Variants in DUOXA1 observed in about 807,000 individuals in gnomAD.
DUOXA1 encodes dual oxidase maturation factor 1, also known as dual oxidase activator 1.
A neutral mutation model predicts 26.6 loss-of-function variants in DUOXA1; 19 were observed. The observed-to-expected ratio is 0.71, with a 90% CI of 0.50 to 1.05. The LOEUF is 1.05. DUOXA1 is among the 50% of genes least tolerant of loss of function. The pLI, the probability that DUOXA1 is intolerant of heterozygous loss-of-function variation, is 0.00. For missense variants in DUOXA1, 403 were observed against 427.5 expected (o/e 0.94, Z 0.51); for synonymous variants, 166 against 177.0 (o/e 0.94, Z 0.49).
At position 45,129,861 on chromosome 15, in the gene DUOXA1, T is replaced by A. The variant is rs1313378207; in HGVS notation, c.-312A>T. ...GCCCTCGCCGTCTCACCTCGCGCGC[T>A]GCCGTCCGCTGGAAGCACCTCCGCG... On this transcript the variant is annotated 5_prime_UTR_variant, in exon 1 of 9. Coordinates refer to ENST00000560572, the MANE Select transcript of DUOXA1 (RefSeq NM_001276266.2). This position sits in a 1 kb window ranked among gnomAD's most constrained non-coding sequence, Gnocchi z 4.1. 1.3e-5 allele frequency: 2 copies of A among 152,246 alleles called. No homozygotes were observed. Among genetic ancestry groups the A allele is most frequent in the Non-Finnish European group, 2.9e-5 (2 of 68,126 alleles). 9.4% of individuals were successfully genotyped at this position (152,246 alleles called of 1,614,324 possible).
intron 3 of DUOXA1, 24 bp from the exon 4 acceptor site, chr15:45,123,067 A>T: frequency 1.3e-6 from 2 of 1,544,932 alleles, no homozygotes; most frequent in South Asian, 2.5e-5. Flanking sequence ...ATAGACATTT[A>T]TTGCATGCCC....
chr15:45,128,275 C>A (rs982334823), intron 3 of DUOXA1, among the ~76,000 whole-genome samples: 2 of 152,222 alleles, frequency 1.3e-5, no homozygotes, highest in Non-Finnish European at 2.9e-5. Flanking sequence ...TATGTGCTAA[C>A]GTCTTGTGGC....
At position 45,122,905 on chromosome 15, in the gene DUOXA1, G is replaced by T; in HGVS notation, c.110C>A (p.Thr37Lys). 1 of 1,612,438 alleles carries T rather than the reference G, an allele frequency of 6.2e-7. No homozygotes were observed. Among genetic ancestry groups the T allele is most frequent in the Non-Finnish European group, 8.5e-7 (1 of 1,179,412 alleles). The change falls in exon 4 of 9, where the codon ACG becomes AAG. Residue 37 changes from threonine (T) to lysine (K), a missense_variant. Coordinates refer to ENST00000560572, the MANE Select transcript of DUOXA1 (RefSeq NM_001276266.2). Reference sequence around the variant, plus strand: ...AATGCCAGGCAGGATGACGATGAACGTGGCCAGTGCAGTCAGAAAGATCAT... The same window carrying T: ...AATGCCAGGCAGGATGACGATGAACTTGGCCAGTGCAGTCAGAAAGATCAT... ...IIMIFLTALA[T>K]FIVILPGIRG...
At position 45,123,055 on chromosome 15, in the gene DUOXA1, C is replaced by A. The variant is rs948888909; in HGVS notation, c.-29-12G>T. The A allele has an allele frequency of 1.3e-6, 2 of 1,565,852 alleles. No individual in the cohort carries two copies. Among genetic ancestry groups the A allele is most frequent in the Admixed American group, 3.6e-5 (2 of 55,196 alleles). On this transcript the variant is annotated splice_polypyrimidine_tract_variant and intron_variant, in intron 3 of 8. Coordinates refer to ENST00000560572, the MANE Select transcript of DUOXA1 (RefSeq NM_001276266.2). ...CAGGGGGGGCAATGCTGTACAACAA[C>A]AATAGACATTTATTGCATGCCCTCA... is the stretch of plus-strand genomic sequence containing the variant.
intron 3 of DUOXA1, among the ~76,000 whole-genome samples, chr15:45,127,348 C>T (rs1267996196): frequency 1.3e-5 from 2 of 152,120 alleles, no homozygotes; most frequent in Non-Finnish European, 2.9e-5. Flanking sequence ...AAGAATGTTT[C>T]ATTTCTATTA....
chr15:45,117,387 T>A lies in DUOXA1; in HGVS notation c.*1719A>T. 6.7e-7 allele frequency: 1 copy of A among 1,502,604 alleles called. No homozygotes were observed. Among genetic ancestry groups the A allele is most frequent in the South Asian group, 1.3e-5 (1 of 75,804 alleles). 93.1% of individuals were successfully genotyped at this position (1,502,604 alleles called of 1,614,324 possible). On this transcript the variant is annotated 3_prime_UTR_variant, in exon 9 of 9. Coordinates refer to ENST00000560572, the MANE Select transcript of DUOXA1 (RefSeq NM_001276266.2). Reference sequence around the variant, plus strand: ...GGTGTGCACTTTCCAGTTTACAGAATGAATTCACATCTATTACCCTATTTG... The same window carrying A: ...GGTGTGCACTTTCCAGTTTACAGAAAGAATTCACATCTATTACCCTATTTG...
In DUOXA1 at chr15:45,119,226, G is replaced by A; in HGVS notation, c.912C>T (p.Ser304=). 2 of 1,614,140 alleles carry A rather than the reference G, an allele frequency of 1.2e-6. No individual in the cohort carries two copies. Among genetic ancestry groups the A allele is most frequent in the Non-Finnish European group, 8.5e-7 (1 of 1,179,996 alleles). The change falls in exon 9 of 9, where the codon AGC becomes AGT. Residue 304 remains serine, a synonymous_variant. Coordinates refer to ENST00000560572, the MANE Select transcript of DUOXA1 (RefSeq NM_001276266.2). ...TGTCAGCCATGGACCGGTAGCGGGG[G>A]CTCAGGAGTCCACCTTCCTCAGGAC... ...EWSPEEGGLL[S]PRYRSMADSP...
In DUOXA1 at chr15:45,121,156, T is replaced by A; in HGVS notation, c.271A>T (p.Ser91Cys). 1 of 1,614,106 alleles carries A rather than the reference T, an allele frequency of 6.2e-7. No individual in the cohort carries two copies. The highest frequency in any genetic ancestry group is 8.5e-7 in the Non-Finnish European group (1 of 1,180,006). The change falls in exon 6 of 9, where the codon AGT becomes TGT. Residue 91 changes from serine to cysteine, a missense_variant. Transcript: ENST00000560572. ...ATATCAGCGCTGATCCACTCAGAAC[T>A]GAAGGCCTTGTATGATGTGTTGGTG... The part of the protein sequence containing the change: ...VSTNTSYKAF[S>C]SEWISADIGL...
In DUOXA1 at chr15:45,118,232, C is replaced by G. The variant is rs1057179294; in HGVS notation, c.*874G>C. On this transcript the variant is annotated 3_prime_UTR_variant, in exon 9 of 9. Coordinates refer to ENST00000560572, the MANE Select transcript of DUOXA1 (RefSeq NM_001276266.2). ...TGTGAAACCTGATTCTCTGCGTCGA[C>G]TCCAGAGTAATAGGGGCGCCCTCTA... 2.9e-5 allele frequency: 41 copies of G among 1,410,034 alleles called. No individual in the cohort carries two copies. Among genetic ancestry groups the G allele is most frequent in the Non-Finnish European group, 3.8e-5 (41 of 1,088,954 alleles). The allele number at this position is 1,410,034 out of a possible 1,614,324, so 87.3% of individuals were successfully genotyped here. A position where few individuals can be genotyped will look rare whatever the true frequency, so the allele number is the denominator to read the frequency against.
At chr15:45,119,953 G>C in intron 8 of DUOXA1, 150 bp downstream of exon 8, 1 of 804,802 alleles carries the variant, frequency 1.2e-6, no homozygotes, top group Non-Finnish European at 2.0e-6. Context: ...AAAATCAGGA[G>C]ATAAGAGATA....
rs1183453164 is a variant in DUOXA1 at position 45,118,185 on chromosome 15, C to T, written c.*921G>A. The T allele has an allele frequency of 7.0e-7, 1 of 1,431,682 alleles. No homozygotes were observed. Among genetic ancestry groups the T allele is most frequent in the Non-Finnish European group, 9.1e-7 (1 of 1,098,358 alleles). The allele number at this position is 1,431,682 out of a possible 1,614,324, so 88.7% of individuals were successfully genotyped here. On this transcript the variant is annotated 3_prime_UTR_variant, in exon 9 of 9. Transcript: ENST00000560572. Reference sequence around the variant, plus strand: ...ATGAGCTTCGCTGGGCTGGAGACAGCCTAGTACACTCTCCGCAGTGCTGTG... The same window carrying T: ...ATGAGCTTCGCTGGGCTGGAGACAGTCTAGTACACTCTCCGCAGTGCTGTG...
At chr15:45,119,667 G>A (rs1894965306) in intron 8 of DUOXA1, among the ~76,000 whole-genome samples, 1 of 152,136 alleles carries the variant, frequency 6.6e-6, no homozygotes, top group Admixed American at 6.5e-5. Flanking sequence ...GGAAGGGCAG[G>A]GCACAGAGGA....
intron 3 of DUOXA1, among the ~76,000 whole-genome samples, chr15:45,128,624 A>G (rs1895885004): frequency 6.6e-6 from 1 of 152,224 alleles, no homozygotes; most frequent in South Asian, 2.1e-4. Context: ...GCACAAAAAT[A>G]GGAGTTAAGT....
In DUOXA1 at chr15:45,121,093, G is replaced by A. The variant is rs1284306706; in HGVS notation, c.334C>T (p.Leu112Phe). 1 of 1,614,140 alleles carries A rather than the reference G, an allele frequency of 6.2e-7. No individual in the cohort carries two copies. The highest frequency in any genetic ancestry group is 8.5e-7 in the Non-Finnish European group (1 of 1,180,018). Residue 112 changes from leucine to phenylalanine, a missense_variant, in exon 6 of 9, where the codon CTC becomes TTC. Transcript: ENST00000560572. Reference protein sequence around the residue: ...QVGLGGVNITLTGTPVQQLNE... With the variant: ...QVGLGGVNITFTGTPVQQLNE... ...GGTAAGAGCCCTCCCTCACCTGTGA[G>A]TGTGATGTTGACTCCACCCAGCCCG...
rs1441146196 is a variant in DUOXA1 at position 45,120,291 on chromosome 15, T to C, written c.584A>G (p.Asn195Ser). The C allele has an allele frequency of 1.9e-5, 31 of 1,613,928 alleles. No homozygotes were observed. The highest frequency in any genetic ancestry group is 2.6e-5 in the Non-Finnish European group (31 of 1,180,010). Reference protein sequence around the residue: ...WVAFLCWLLANVMLSMPVLVY... With the variant: ...WVAFLCWLLASVMLSMPVLVY... ...CAGCACAGGCATGGAGAGCATCACA[T>C]TGGCCAGCAGCCAGCAGAGGAATGC... Residue 195 changes from asparagine to serine, a missense_variant, in exon 8 of 9, where the codon AAT becomes AGT. Coordinates refer to ENST00000560572, the MANE Select transcript of DUOXA1 (RefSeq NM_001276266.2).
intron 3 of DUOXA1, among the ~76,000 whole-genome samples, chr15:45,124,184 A>G (rs904330894): frequency 1.7e-4 from 26 of 152,230 alleles, no homozygotes; most frequent in Non-Finnish European, 3.4e-4. Context: ...CGTTATAATG[A>G]AAGAATAAGC....
chr15:45,121,311 T>C, intron 5 of DUOXA1, 90 bp from the exon 6 acceptor site: 2 of 1,582,322 alleles, frequency 1.3e-6, no homozygotes, highest in Non-Finnish European at 1.7e-6. Context: ...GGGGTCCATG[T>C]CTGTTTTGGT....
chr15:45,124,688 T>C (rs1202468055), intron 3 of DUOXA1, among the ~76,000 whole-genome samples: 1 of 152,150 alleles, frequency 6.6e-6, no homozygotes, highest in Admixed American at 6.5e-5. Flanking sequence ...TTTTAAGTTT[T>C]TTTTAGCAGA....
At position 45,118,008 on chromosome 15, in the gene DUOXA1, G is replaced by A. The variant is rs752582198; in HGVS notation, c.*1098C>T. 1 of 1,609,184 alleles carries A rather than the reference G, an allele frequency of 6.2e-7. No individual in the cohort carries two copies. Among genetic ancestry groups the A allele is most frequent in the East Asian group, 2.2e-5 (1 of 44,790 alleles). On this transcript the variant is annotated 3_prime_UTR_variant, in exon 9 of 9. Coordinates refer to ENST00000560572, the MANE Select transcript of DUOXA1 (RefSeq NM_001276266.2). ...CCAGGAGAGCTCCAGGAAGGGCACT[G>A]AGCGCTGCTGGCGCGAGGCCTCGGA...
Sources: allele counts gnomAD v4.1 joint callset (sites outside exome capture counted in the v4.1 genomes callset), GRCh38; gene constraint gnomAD v4.1.1; non-coding constraint Gnocchi (gnomAD v3.1); transcripts MANE v1.5; gene names NCBI Gene and HGNC (gene_info 2026-07-23, HGNC 2026-07-21).